The following GRIK5 variants were observed in gnomAD, a reference collection of about 807,000 sequenced individuals.
GRIK5 encodes the protein glutamate ionotropic receptor kainate type subunit 5.
In GRIK5, 43 loss-of-function variants were observed where a neutral mutation model predicts 97.4. The observed-to-expected ratio is 0.44, with a 90% CI of 0.35 to 0.57. The LOEUF (loss-of-function observed/expected upper bound fraction) is 0.57, where lower values mean the gene tolerates loss of function less well. Among genes scored for constraint, GRIK5 ranks in the 20% least tolerant of loss-of-function variants. The probability of loss-of-function intolerance (pLI) is 0.01; values close to 1 mark genes in which losing one functional copy is unlikely to be tolerated. For synonymous variants in GRIK5, 580 were observed against 583.5 expected (o/e 0.99, Z 0.09); for missense variants, 1,015 against 1,382.0 (o/e 0.73, Z 4.21).
At chr19:42,041,943 AT>A (rs1656966141) in intron 12 of GRIK5, among the ~76,000 whole-genome samples, 1 of 152,060 alleles carries the variant, frequency 6.6e-6, no homozygotes, top group East Asian at 1.9e-4. Flanking sequence ...TGCTGTGGTC[AT>A]TCACTGTCTT....
At chr19:42,055,893 G>A (rs552794700) in intron 8 of GRIK5, among the ~76,000 whole-genome samples, 2 of 152,252 alleles carry the variant, frequency 1.3e-5, no homozygotes, top group Admixed American at 1.3e-4. Flanking sequence ...ATGTTGGCCA[G>A]GCTGATCTCG....
chr19:42,042,637 C>A lies in GRIK5; in HGVS notation c.1388G>T (p.Arg463Leu), dbSNP rs750778626. ...CAGCCCATCCTCCACCAACCGCAGG[C>A]GGTAGCGGAAGCGCAGCAGCTCGGC... Reference protein sequence around the residue: ...ELAELLRFRYRLRLVEDGLYG... With the variant: ...ELAELLRFRYLLRLVEDGLYG... The change falls in exon 12 of 20, where the codon CGC (arginine) becomes CTC (leucine). Residue 463 changes from arginine to leucine, a missense_variant. Arg to Leu is a moderately radical substitution (Grantham distance 102, BLOSUM62 -2). Transcript: ENST00000593562. This position sits in a 1 kb window ranked among gnomAD's most constrained non-coding sequence, Gnocchi z 6.9. 6.2e-7 allele frequency: 1 copy of A among 1,613,330 alleles called. No individual in the cohort carries two copies. The highest frequency in any genetic ancestry group is 1.3e-5 in the African/African-American group (1 of 75,044).
chr19:42,033,795 G>A (rs1488056312), intron 12 of GRIK5, among the ~76,000 whole-genome samples: 2 of 152,112 alleles, frequency 1.3e-5, no homozygotes, highest in Non-Finnish European at 2.9e-5. Context: ...GAGGCAAGGA[G>A]TTCAAGACCA....
chr19:42,061,078 C>G (rs1190720399), intron 5 of GRIK5, among the ~76,000 whole-genome samples: 1 of 152,144 alleles, frequency 6.6e-6, no homozygotes, highest in Admixed American at 6.6e-5. Flanking sequence ...GACGGAGTCT[C>G]GCTCTGTCGC....
At chr19:42,025,010 G>A (rs1257520762) in intron 12 of GRIK5, among the ~76,000 whole-genome samples, 1 of 152,194 alleles carries the variant, frequency 6.6e-6, no homozygotes, top group Non-Finnish European at 1.5e-5. Context: ...GCACTGCTCA[G>A]GGGCCAGCTT....
At chr19:42,068,874 A>AT (rs1216832968) in intron 1 of GRIK5, 2 of 685,126 alleles carry the variant, frequency 2.9e-6, no homozygotes, top group Non-Finnish European at 5.3e-6. Context: ...CAGGCAGAGG[A>AT]TGAGGCTCAG....
chr19:42,064,783 C>A (rs1273270498), intron 3 of GRIK5, among the ~76,000 whole-genome samples: 2 of 152,198 alleles, frequency 1.3e-5, no homozygotes, highest in African/African-American at 4.8e-5. Flanking sequence ...CACTTCCACA[C>A]CCCTGTGATG....
intron 5 of GRIK5, among the ~76,000 whole-genome samples, chr19:42,061,909 C>T (rs2076264865): frequency 6.6e-6 from 1 of 152,244 alleles, no homozygotes. Flanking sequence ...TGGCTCCCAT[C>T]ATCTCTTGCT....
chr19:42,055,515 G>A (rs939027468), intron 8 of GRIK5, among the ~76,000 whole-genome samples: 1 of 152,162 alleles, frequency 6.6e-6, no homozygotes, highest in African/African-American at 2.4e-5. Context: ...GGGATACAAT[G>A]GTGAACAAAA....
intron 12 of GRIK5, among the ~76,000 whole-genome samples, chr19:42,038,797 A>G: frequency 6.6e-6 from 1 of 152,196 alleles, no homozygotes; most frequent in Non-Finnish European, 1.5e-5. Flanking sequence ...AAATCAACAA[A>G]TGACAGCTGC....
At chr19:42,063,332 T>C in intron 3 of GRIK5, 1 of 457,074 alleles carries the variant, frequency 2.2e-6, no homozygotes, top group Non-Finnish European at 4.4e-6. Flanking sequence ...TCTTCCTCCT[T>C]ATACACATGT....
At chr19:42,023,215 C>T (rs778244024) in intron 12 of GRIK5, among the ~76,000 whole-genome samples, 3 of 151,720 alleles carry the variant, frequency 2.0e-5, no homozygotes, top group Non-Finnish European at 4.4e-5. Flanking sequence ...CAGCTAAAGC[C>T]GGGTACGGGA....
intron 12 of GRIK5, among the ~76,000 whole-genome samples, chr19:42,033,329 A>C (rs891031445): frequency 9.9e-5 from 15 of 151,984 alleles, no homozygotes; most frequent in African/African-American, 2.4e-4. Flanking sequence ...AAAAAAAAAA[A>C]AAAAAAAAAA....
At chr19:42,045,003 C>T (rs941391951) in intron 11 of GRIK5, among the ~76,000 whole-genome samples, 3 of 152,168 alleles carry the variant, frequency 2.0e-5, no homozygotes, top group Non-Finnish European at 4.4e-5. Flanking sequence ...TGCATTCTCT[C>T]GATGACATTA....
chr19:42,029,094 A>C (rs533923997), intron 12 of GRIK5, among the ~76,000 whole-genome samples: 2 of 151,932 alleles, frequency 1.3e-5, no homozygotes, highest in Non-Finnish European at 2.9e-5. Flanking sequence ...TTTGAGACAG[A>C]GTCTTGCTCT....
intron 12 of GRIK5, among the ~76,000 whole-genome samples, chr19:42,024,701 C>A (rs1243481246): frequency 2.0e-5 from 3 of 152,114 alleles, no homozygotes; most frequent in Non-Finnish European, 2.9e-5. Flanking sequence ...GCATTCCAGG[C>A]AGCCGACGGC....
chr19:42,068,750 T>C, intron 1 of GRIK5: 1 of 503,200 alleles, frequency 2.0e-6, no homozygotes, highest in Non-Finnish European at 3.6e-6. Flanking sequence ...AAGAGAGAAG[T>C]TGGGCAGAGT....
Position 42,042,238 on chromosome 19 carries a change from C to G in GRIK5, c.1473+314G>C, listed in dbSNP as rs1002867519. On this transcript the variant is annotated intron_variant, in intron 12 of 19. Transcript: ENST00000593562. The surrounding 1 kb of genome is among the most constrained non-coding windows in gnomAD (Gnocchi z 6.9). ...TCCTCAGACCTTTTCCTGCTCCCCACTCCATGTCTCTTTCATTCACTTAAC... is the reference window on the plus strand; with the variant it reads ...TCCTCAGACCTTTTCCTGCTCCCCAGTCCATGTCTCTTTCATTCACTTAAC... Among the ~76,000 whole-genome samples the G allele has an allele frequency of 6.6e-6, 1 of 152,234 alleles. No individual in the cohort carries two copies. The highest frequency in any genetic ancestry group is 1.9e-4 in the East Asian group (1 of 5,200).
chr19:42,002,506 A>C lies in GRIK5; in HGVS notation c.2514+826T>G. ...CTCCTTCAGAGGAGTCCTTGGGCCA[A>C]GTGCAGAACACTGGCAGGCAGCTGG... On this transcript the variant is annotated intron_variant, in intron 19 of 19. Coordinates refer to ENST00000593562, the MANE Select transcript of GRIK5 (RefSeq NM_002088.5). The surrounding 1 kb of genome is among the most constrained non-coding windows in gnomAD (Gnocchi z 5.2). 1 of 712,548 alleles carries C rather than the reference A, an allele frequency of 1.4e-6. No individual in the cohort carries two copies. The allele number at this position is 712,548 out of a possible 1,614,324, so 44.1% of individuals were successfully genotyped here. A position where few individuals can be genotyped will look rare whatever the true frequency, so the allele number is the denominator to read the frequency against.
Sources: gnomAD v4.1 joint callset for allele counts (sites outside exome capture counted in the v4.1 genomes callset) on GRCh38, gnomAD v4.1.1 for gene constraint, Gnocchi (gnomAD v3.1) non-coding constraint, MANE v1.5 for transcripts, NCBI Gene and HGNC (gene_info 2026-07-23, HGNC 2026-07-21) for gene names.